The following DIAPH2 variants were observed in gnomAD, a reference collection of about 807,000 sequenced individuals.
DIAPH2 encodes the protein protein diaphanous homolog 2.
A neutral mutation model predicts 92.7 loss-of-function variants in DIAPH2; 35 were observed. That is an observed-to-expected ratio of 0.38 (90% CI 0.29 to 0.50). The LOEUF is 0.50. Ranked by LOEUF, DIAPH2 falls within the 20% of genes least tolerant of loss-of-function variation. DIAPH2 has a pLI of 0.94. For missense variants in DIAPH2, 701 were observed against 819.5 expected, an observed-to-expected ratio of 0.86 and a Z score of 1.77; for synonymous variants, 301 against 280.4, an observed-to-expected ratio of 1.07 and a Z score of -0.73.
intron 26 of DIAPH2, among the ~76,000 whole-genome samples, chrX:97,499,542 T>C (rs756794288): frequency 8.9e-6 from 1 of 111,823 alleles, no homozygotes; most frequent in South Asian, 3.8e-4. Flanking sequence ...GATTTGGAGA[T>C]TTCTCAGAGA....
intron 22 of DIAPH2, among the ~76,000 whole-genome samples, chrX:97,219,259 T>G (rs1460088933): frequency 8.9e-6 from 1 of 112,389 alleles, no homozygotes; most frequent in East Asian, 2.8e-4. Flanking sequence ...TTTTAATATT[T>G]TAGTGATTTA....
intron 26 of DIAPH2, among the ~76,000 whole-genome samples, chrX:97,544,787 A>G (rs2071167259): frequency 8.9e-6 from 1 of 112,177 alleles, no homozygotes; most frequent in South Asian, 3.7e-4. Flanking sequence ...CATTCTCTTC[A>G]TGTTTTCATC....
At chrX:97,431,677 T>C in intron 26 of DIAPH2, 1 of 112,650 alleles carries the variant, frequency 8.9e-6, no homozygotes, top group East Asian at 2.8e-4. Flanking sequence ...TGGCAGTCAT[T>C]CCAAGTGGCA....
At chrX:97,282,664 G>T (rs2068508777) in intron 23 of DIAPH2, among the ~76,000 whole-genome samples, 1 of 111,754 alleles carries the variant, frequency 8.9e-6, no homozygotes, top group African/African-American at 3.2e-5. Context: ...ATTAAGAAAA[G>T]CACATTGTCA....
intron 1 of DIAPH2, among the ~76,000 whole-genome samples, chrX:96,712,499 CTT>C (rs1250176185): frequency 1.8e-5 from 2 of 110,917 alleles, no homozygotes; most frequent in African/African-American, 3.3e-5. Flanking sequence ...CCTGTTAACT[CTT>C]TTGTTTTGTC....
chrX:97,324,884 TC>T (rs2068936515), intron 23 of DIAPH2, among the ~76,000 whole-genome samples: 1 of 111,223 alleles, frequency 9.0e-6, no homozygotes, highest in Non-Finnish European at 1.9e-5. Flanking sequence ...CACTGCAACA[TC>T]CACCTCCTGG....
At chrX:97,208,462 A>G (rs1324833445) in intron 22 of DIAPH2, among the ~76,000 whole-genome samples, 5 of 112,118 alleles carry the variant, frequency 4.5e-5, no homozygotes, top group Non-Finnish European at 9.4e-5. Flanking sequence ...TAATTTGCTT[A>G]ATTTGTTTCA....
At chrX:97,364,378 G>C (rs1321165569) in intron 24 of DIAPH2, among the ~76,000 whole-genome samples, 2 of 112,009 alleles carry the variant, frequency 1.8e-5, no homozygotes, top group Admixed American at 1.9e-4. Flanking sequence ...GGAAACTCAG[G>C]AGTTTCATTG....
At chrX:96,822,618 A>G (rs947660017) in intron 4 of DIAPH2, among the ~76,000 whole-genome samples, 1 of 112,053 alleles carries the variant, frequency 8.9e-6, no homozygotes, top group African/African-American at 3.2e-5. Flanking sequence ...CTTCAGAACA[A>G]TGAGTTATAA....
intron 26 of DIAPH2, among the ~76,000 whole-genome samples, chrX:97,515,285 C>T (rs192870817): frequency 0.019 from 2,169 of 112,342 alleles, 20 homozygotes; most frequent in Non-Finnish European, 0.032. Context: ...AGGTGCCGTC[C>T]GTCACCCCTT....
At chrX:96,814,762 G>T (rs752372804) in intron 4 of DIAPH2, among the ~76,000 whole-genome samples, 1 of 111,940 alleles carries the variant, frequency 8.9e-6, no homozygotes, top group African/African-American at 3.2e-5. Flanking sequence ...CTTTTTGTTA[G>T]TTTTCCTTCT....
At position 96,933,560 on chromosome X, in the gene DIAPH2, G is replaced by GTA. The variant is rs753351090; in HGVS notation, c.1089+2731_1089+2732dup. ...TATGTGTATATATATATGTGTGTGT[G>GTA]TATATATATATATATTTATATATTT... is the stretch of plus-strand genomic sequence containing the variant. On this transcript the variant is annotated intron_variant, in intron 10 of 26. Transcript: ENST00000324765. Among the ~76,000 whole-genome samples the GTA allele has an allele frequency of 3.6e-3, 358 of 99,159 alleles. 6 individuals are homozygous for GTA. The South Asian group carries it at 0.076, about 21-fold the overall frequency. The allele number at this position is 99,159 out of a possible 115,157, so 86.1% of individuals were successfully genotyped here. A position where few individuals can be genotyped will look rare whatever the true frequency, so the allele number is the denominator to read the frequency against.
At chrX:96,872,341 G>C (rs2065149026) in intron 4 of DIAPH2, among the ~76,000 whole-genome samples, 1 of 111,265 alleles carries the variant, frequency 9.0e-6, no homozygotes, top group African/African-American at 3.3e-5. Context: ...TCCCACAAAT[G>C]AGAACATGAG....
chrX:97,295,377 A>G (rs978295567), intron 23 of DIAPH2, among the ~76,000 whole-genome samples: 1 of 112,484 alleles, frequency 8.9e-6, no homozygotes, highest in Admixed American at 9.5e-5. Flanking sequence ...TGTGAAACCA[A>G]TACTATTAAA....
intron 25 of DIAPH2, among the ~76,000 whole-genome samples, chrX:97,390,926 A>G (rs770870659): frequency 8.9e-6 from 1 of 111,983 alleles, no homozygotes; most frequent in Non-Finnish European, 1.9e-5. Flanking sequence ...TTTATTTTTT[A>G]TGTTTTAGTA....
chrX:97,311,630 C>G (rs1158568634), intron 23 of DIAPH2, among the ~76,000 whole-genome samples: 1 of 110,792 alleles, frequency 9.0e-6, no homozygotes, highest in African/African-American at 3.3e-5. Context: ...CAGGGTGATG[C>G]CAGCTGATCC....
chrX:97,537,626 G>T (rs1400576985), intron 26 of DIAPH2, among the ~76,000 whole-genome samples: 1 of 111,076 alleles, frequency 9.0e-6, no homozygotes, highest in Non-Finnish European at 1.9e-5. Flanking sequence ...GTTATAAAAA[G>T]AATGTGGTTC....
chrX:97,452,760 T>TCA (rs2070369719), intron 26 of DIAPH2, among the ~76,000 whole-genome samples: 1 of 112,285 alleles, frequency 8.9e-6, no homozygotes, highest in Admixed American at 9.5e-5. Flanking sequence ...GTGTTCTGAG[T>TCA]CACCCACGTG....
chrX:97,343,088 A>G (rs1454583871), intron 23 of DIAPH2, among the ~76,000 whole-genome samples: 1 of 111,695 alleles, frequency 9.0e-6, no homozygotes, highest in Non-Finnish European at 1.9e-5. Context: ...AAGACTTTGG[A>G]TTTTCTTCCA....
Sources: allele counts gnomAD v4.1 joint callset (sites outside exome capture counted in the v4.1 genomes callset), GRCh38; gene constraint gnomAD v4.1.1; transcripts MANE v1.5; gene names NCBI Gene and HGNC (gene_info 2026-07-23, HGNC 2026-07-21).